Variants in KLF12 observed in about 807,000 individuals in gnomAD.
KLF12 encodes the protein Krueppel-like factor 12.
Under a neutral mutation model 37.8 loss-of-function variants are expected in KLF12, and 9 were observed. The observed-to-expected ratio is 0.24, with a 90% CI of 0.14 to 0.42. The LOEUF is 0.42. KLF12 is among the 10% of genes least tolerant of loss of function. KLF12 has a pLI of 1.00. For missense variants in KLF12, 411 were observed against 516.0 expected (o/e 0.80, Z 1.97); for synonymous variants, 208 against 202.1 (o/e 1.03, Z -0.25).
At chr13:74,117,185 A>G (rs950364551) in intron 1 of KLF12, among the ~76,000 whole-genome samples, 1 of 152,204 alleles carries the variant, frequency 6.6e-6, no homozygotes, top group Non-Finnish European at 1.5e-5. Context: ...CACCCAGTCC[A>G]TGGTTTCTAG....
chr13:73,919,253 T>C (rs1017140074), intron 3 of KLF12, among the ~76,000 whole-genome samples: 4 of 152,198 alleles, frequency 2.6e-5, no homozygotes, highest in South Asian at 2.1e-4. Context: ...GGATTTACCA[T>C]GAAAATTCCT....
chr13:74,067,531 G>A (rs1459649252), intron 1 of KLF12, among the ~76,000 whole-genome samples: 1 of 152,156 alleles, frequency 6.6e-6, no homozygotes, highest in Non-Finnish European at 1.5e-5. Context: ...GAAGGATGCA[G>A]TTGCTAATCA....
At position 73,755,751 on chromosome 13, in the gene KLF12, C is replaced by A. The variant is rs117148431; in HGVS notation, c.869+9187G>T. 9.8e-3 allele frequency among the ~76,000 whole-genome samples: 1,494 copies of A among 151,850 alleles called. 10 individuals are homozygous for A. The highest frequency in any genetic ancestry group is 0.024 in the Middle Eastern group (7 of 294). ...CAGTGTACACTGTACCCTCACCACC[C>A]CCCCAACCCTTTCCCCCAAGTCCCC... On this transcript the variant is annotated intron_variant, in intron 6 of 7. Transcript: ENST00000377669.
intron 1 of KLF12, among the ~76,000 whole-genome samples, chr13:74,028,440 T>C (rs1893032184): frequency 6.6e-6 from 1 of 152,198 alleles, no homozygotes; most frequent in Non-Finnish European, 1.5e-5. Flanking sequence ...CAAAAACTTC[T>C]ATCAAGTAAA....
chr13:73,765,427 C>T (rs996805672), intron 5 of KLF12, among the ~76,000 whole-genome samples: 1 of 152,084 alleles, frequency 6.6e-6, no homozygotes, highest in African/African-American at 2.4e-5. Flanking sequence ...TTCACTCTAC[C>T]ACATTTAAAA....
chr13:74,000,102 G>A (rs757362400), intron 1 of KLF12, among the ~76,000 whole-genome samples: 3 of 152,088 alleles, frequency 2.0e-5, no homozygotes, highest in Admixed American at 6.5e-5. Context: ...AAGAGAATGT[G>A]TATACCAGAA....
At chr13:74,089,135 A>G (rs995244840) in intron 1 of KLF12, among the ~76,000 whole-genome samples, 4 of 152,194 alleles carry the variant, frequency 2.6e-5, no homozygotes, top group African/African-American at 9.6e-5. Context: ...TATTAACACT[A>G]TATGATATTC....
At chr13:74,294,884 C>T in the KLF12 span, among the ~76,000 whole-genome samples, 1 of 152,162 alleles carries the variant, frequency 6.6e-6, no homozygotes, top group African/African-American at 2.4e-5. Flanking sequence ...TCCCTCCAAT[C>T]CATCATCTCA....
intron 5 of KLF12, among the ~76,000 whole-genome samples, chr13:73,792,771 TAA>T (rs1203018587): frequency 2.6e-5 from 4 of 152,192 alleles, no homozygotes; most frequent in African/African-American, 9.6e-5. Context: ...AAAAAAGTAA[TAA>T]AAGTTTTTGC....
At chr13:73,958,520 G>A (rs933734609) in intron 2 of KLF12, among the ~76,000 whole-genome samples, 1 of 152,140 alleles carries the variant, frequency 6.6e-6, no homozygotes, top group African/African-American at 2.4e-5. Flanking sequence ...TGGAATTACA[G>A]GCGTGAGCCA....
intron 1 of KLF12, among the ~76,000 whole-genome samples, chr13:74,133,398 C>T (rs1878376364): frequency 6.8e-6 from 1 of 147,136 alleles, no homozygotes; most frequent in African/African-American, 2.5e-5. Context: ...ACCAACAATT[C>T]CACTAGGGGT....
At position 73,948,069 on chromosome 13, in the gene KLF12, A is replaced by G. The variant is rs186589451; in HGVS notation, c.34-3999T>C. Among the ~76,000 whole-genome samples, 170 of 152,356 alleles carry G rather than the reference A, an allele frequency of 1.1e-3. 1 individual carries two copies. Among genetic ancestry groups the G allele is most frequent in the South Asian group, 7.9e-3 (38 of 4,830 alleles). ...GAAATATGATATTTTATTGAAATAC[A>G]CATCCACTTTAAATCTTCACGTTCA... On this transcript the variant is annotated intron_variant, in intron 2 of 7. Transcript: ENST00000377669.
intron 1 of KLF12, among the ~76,000 whole-genome samples, chr13:74,084,913 T>C (rs1001001030): frequency 6.6e-6 from 1 of 152,214 alleles, no homozygotes; most frequent in African/African-American, 2.4e-5. Context: ...TCAAGTCTTT[T>C]CATTATAGTT....
At chr13:74,088,621 G>A (rs1875463910) in intron 1 of KLF12, among the ~76,000 whole-genome samples, 1 of 152,156 alleles carries the variant, frequency 6.6e-6, no homozygotes, top group Non-Finnish European at 1.5e-5. Context: ...GTACTCTGAT[G>A]TGCATAATCT....
chr13:74,218,490 G>A, the KLF12 span, among the ~76,000 whole-genome samples: 6 of 152,068 alleles, frequency 3.9e-5, no homozygotes, highest in Non-Finnish European at 8.8e-5. Context: ...CCCCCGCTCC[G>A]CACCCTCCAG....
At chr13:73,700,800 G>C (rs1874500741) in intron 7 of KLF12, among the ~76,000 whole-genome samples, 1 of 152,008 alleles carries the variant, frequency 6.6e-6, no homozygotes, top group African/African-American at 2.4e-5. Context: ...TGAAATTTTA[G>C]AAATGGATAC....
chr13:73,912,849 A>G (rs1475191031), intron 3 of KLF12, among the ~76,000 whole-genome samples: 1 of 152,132 alleles, frequency 6.6e-6, no homozygotes, highest in Non-Finnish European at 1.5e-5. Flanking sequence ...CTTCTACAAT[A>G]TTAAGCTCCT....
At chr13:73,878,082 T>C (rs942571695) in intron 3 of KLF12, among the ~76,000 whole-genome samples, 13 of 152,166 alleles carry the variant, frequency 8.5e-5, no homozygotes, top group Admixed American at 7.9e-4. Context: ...AAGGACTTCA[T>C]GATAAAATAG....
chr13:73,998,049 C>T (rs1446480896), intron 1 of KLF12, among the ~76,000 whole-genome samples: 1 of 152,114 alleles, frequency 6.6e-6, no homozygotes, highest in Non-Finnish European at 1.5e-5. Flanking sequence ...TTCTCTTTTT[C>T]TGTCTTGAAA....
Sources: gnomAD v4.1 joint callset for allele counts (sites outside exome capture counted in the v4.1 genomes callset) on GRCh38, gnomAD v4.1.1 for gene constraint, MANE v1.5 for transcripts, NCBI Gene and HGNC (gene_info 2026-07-23, HGNC 2026-07-21) for gene names.